EXOC2: variants seen among roughly 807,000 people sequenced by gnomAD.
EXOC2 encodes the protein SEC5-like 1.
In EXOC2, 70 loss-of-function variants were observed where a neutral mutation model predicts 131.8. The ratio of observed to expected loss-of-function variants is 0.53; its 90% CI spans 0.44 to 0.65. The LOEUF is 0.65. EXOC2 is among the 30% of genes least tolerant of loss of function. EXOC2 has a pLI of 0.00. For missense variants in EXOC2, 923 were observed against 1,108.6 expected, an observed-to-expected ratio of 0.83 and a Z score of 2.38; for synonymous variants, 411 against 398.4, an observed-to-expected ratio of 1.03 and a Z score of -0.38.
At chr6:588,643 G>A (rs1457657180) in intron 11 of EXOC2, among the ~76,000 whole-genome samples, 19 of 152,326 alleles carry the variant, frequency 1.2e-4, no homozygotes, top group African/African-American at 3.8e-4. Context: ...GTGGGCCACC[G>A]CACCGGCCCT....
chr6:502,162 AC>A (rs1764252470), intron 23 of EXOC2, among the ~76,000 whole-genome samples: 1 of 152,158 alleles, frequency 6.6e-6, no homozygotes, highest in South Asian at 2.1e-4. Flanking sequence ...ATACATACTT[AC>A]TGAAAATCGA....
intron 11 of EXOC2, among the ~76,000 whole-genome samples, chr6:586,263 AG>A (rs1669396351): frequency 6.6e-6 from 1 of 152,206 alleles, no homozygotes; most frequent in South Asian, 2.1e-4. Context: ...CATCCGCTGC[AG>A]GCTGCCGGCT....
At chr6:549,430 C>G in intron 21 of EXOC2, 139 bp from the exon 22 acceptor site, 1 of 602,628 alleles carries the variant, frequency 1.7e-6, no homozygotes, top group Non-Finnish European at 2.9e-6. Flanking sequence ...CTGCTTCTTT[C>G]CCAATATTAT....
chr6:588,577 A>T (rs956656113), intron 11 of EXOC2, among the ~76,000 whole-genome samples: 40 of 152,054 alleles, frequency 2.6e-4, no homozygotes, highest in African/African-American at 8.4e-4. Context: ...CTGGTGTTGA[A>T]CTCCTGACCT....
intron 23 of EXOC2, among the ~76,000 whole-genome samples, chr6:509,782 G>A (rs750200650): frequency 2.0e-5 from 3 of 152,008 alleles, no homozygotes; most frequent in Admixed American, 1.3e-4. Flanking sequence ...AAACACAGGC[G>A]GATTTCAAGG....
chr6:572,470 A>G, intron 13 of EXOC2, 50 bp downstream of exon 13: 1 of 1,558,020 alleles, frequency 6.4e-7, no homozygotes, highest in Non-Finnish European at 8.6e-7. Context: ...TTTAAAGACC[A>G]GAAATGCACG....
At chr6:648,484 C>T (rs1762680638) in intron 1 of EXOC2, among the ~76,000 whole-genome samples, 1 of 152,158 alleles carries the variant, frequency 6.6e-6, no homozygotes, top group Non-Finnish European at 1.5e-5. Context: ...CACAAATATT[C>T]CAATTGCCAT....
intron 7 of EXOC2, 52 bp downstream of exon 7, chr6:610,046 A>T (rs1284451909): frequency 1.3e-6 from 2 of 1,532,954 alleles, no homozygotes; most frequent in Non-Finnish European, 1.8e-6. Flanking sequence ...AACTAATTTT[A>T]AAGCATGTTG....
intron 12 of EXOC2, among the ~76,000 whole-genome samples, chr6:575,172 C>A (rs1233395278): frequency 6.6e-6 from 1 of 152,200 alleles, no homozygotes; most frequent in African/African-American, 2.4e-5. Flanking sequence ...CACACAAGAT[C>A]TAGTTGTTTC....
chr6:681,240 A>G (rs1475666735), intron 1 of EXOC2, among the ~76,000 whole-genome samples: 1 of 152,230 alleles, frequency 6.6e-6, no homozygotes, highest in Non-Finnish European at 1.5e-5. Flanking sequence ...CATGCTAAGG[A>G]AAACAATCAG....
At chr6:651,475 G>A (rs1762827636) in intron 1 of EXOC2, among the ~76,000 whole-genome samples, 1 of 151,090 alleles carries the variant, frequency 6.6e-6, no homozygotes, top group Non-Finnish European at 1.5e-5. Context: ...CCAACATGGT[G>A]AAACCCCATC....
intron 22 of EXOC2, among the ~76,000 whole-genome samples, chr6:546,325 C>T (rs753346588): frequency 5.3e-5 from 8 of 152,206 alleles, no homozygotes; most frequent in Non-Finnish European, 7.4e-5. Context: ...CAGACAGCAC[C>T]GAGTCCACCA....
At chr6:678,195 T>C (rs941180416) in intron 1 of EXOC2, among the ~76,000 whole-genome samples, 2 of 152,160 alleles carry the variant, frequency 1.3e-5, no homozygotes, top group African/African-American at 4.8e-5. Context: ...ACAAATCAAC[T>C]TGTTCAGCCA....
In EXOC2 at chr6:501,023, G is replaced by A. The variant is rs189974964; in HGVS notation, c.2381-1323C>T. ...AATATCAAGGGCATAGGTATATATCGAGATATATATAGAGACATATAGATA... is the reference window on the plus strand; with the variant it reads ...AATATCAAGGGCATAGGTATATATCAAGATATATATAGAGACATATAGATA... On this transcript the variant is annotated intron_variant, in intron 23 of 27. Transcript: ENST00000230449. 1.3e-4 allele frequency among the ~76,000 whole-genome samples: 18 copies of A among 142,390 alleles called. No individual in the cohort carries two copies. The East Asian group carries it at 3.2e-3, about 25-fold the overall frequency. The allele number at this position is 142,390 out of a possible 152,430, so 93.4% of individuals were successfully genotyped here. A position where few individuals can be genotyped will look rare whatever the true frequency, so the allele number is the denominator to read the frequency against.
At chr6:536,940 C>T (rs192430571) in intron 22 of EXOC2, among the ~76,000 whole-genome samples, 142 of 152,228 alleles carry the variant, frequency 9.3e-4, no homozygotes, top group African/African-American at 2.8e-3. Context: ...TTCTAAAAAT[C>T]GTCAATAGAA....
chr6:575,501 C>CGCTCCCTCTCCATCCTCTCCCTT (rs1758529044), intron 12 of EXOC2, among the ~76,000 whole-genome samples: 3 of 152,078 alleles, frequency 2.0e-5, no homozygotes, highest in South Asian at 2.1e-4. Flanking sequence ...TCCTCTCCCT[C>CGCTCCCTCTCCATCCTCTCCCTT]GCTCCCTCTC....
At chr6:526,907 A>G (rs1403241748) in intron 23 of EXOC2, among the ~76,000 whole-genome samples, 3 of 152,134 alleles carry the variant, frequency 2.0e-5, no homozygotes, top group Non-Finnish European at 4.4e-5. Flanking sequence ...TCATCTATAA[A>G]ATGAGAATAA....
At chr6:536,830 T>C (rs1176943777) in intron 22 of EXOC2, among the ~76,000 whole-genome samples, 1 of 152,134 alleles carries the variant, frequency 6.6e-6, no homozygotes, top group Non-Finnish European at 1.5e-5. Flanking sequence ...ATGGATCTCA[T>C]CAAAATTAAA....
intron 22 of EXOC2, among the ~76,000 whole-genome samples, chr6:536,378 T>C (rs896853508): frequency 1.4e-4 from 21 of 151,890 alleles, no homozygotes; most frequent in South Asian, 6.2e-4. Context: ...AAAAATAAAA[T>C]ACCTAGGAAT....
Sources: gnomAD v4.1 joint callset for allele counts (sites outside exome capture counted in the v4.1 genomes callset) on GRCh38, gnomAD v4.1.1 for gene constraint, MANE v1.5 for transcripts, NCBI Gene and HGNC (gene_info 2026-07-23, HGNC 2026-07-21) for gene names.